Variants in PCDH7 observed in about 807,000 individuals in gnomAD.
The protein encoded by PCDH7 is protocadherin 7.
PCDH7 carries 17 observed loss-of-function variants against 58.9 expected under a neutral mutation model. The observed-to-expected ratio is 0.29, with a 90% CI of 0.20 to 0.43. The LOEUF is 0.43. Ranked by LOEUF, PCDH7 falls within the 20% of genes least tolerant of loss-of-function variation. The probability of loss-of-function intolerance (pLI) is 1.00; values close to 1 mark genes in which losing one functional copy is unlikely to be tolerated. For synonymous variants in PCDH7, 664 were observed against 616.4 expected, an observed-to-expected ratio of 1.08 and a Z score of -1.14; for missense variants, 1,274 against 1,441.0, an observed-to-expected ratio of 0.88 and a Z score of 1.88.
chr4:30,810,214 C>T (rs1442981809), intron 1 of PCDH7, among the ~76,000 whole-genome samples: 6 of 152,124 alleles, frequency 3.9e-5, no homozygotes, highest in African/African-American at 1.4e-4. Context: ...ATATAATAGA[C>T]TATCTGTCTC....
In PCDH7 at chr4:31,038,280, T is replaced by C. The variant is rs79449572; in HGVS notation, c.*7+88065T>C. ...TTGCACATGCTTTGTTTTTCTTAAATATTGTTCTGTATGTTTAGTTCCTGA... is the reference window on the plus strand; with the variant it reads ...TTGCACATGCTTTGTTTTTCTTAAACATTGTTCTGTATGTTTAGTTCCTGA... On this transcript the variant is annotated intron_variant, in intron 3 of 3. Coordinates refer to the PCDH7 transcript ENST00000509759. Among the ~76,000 whole-genome samples, 887 of 152,352 alleles carry C rather than the reference T, an allele frequency of 5.8e-3. 17 individuals are homozygous for C. The highest frequency in any genetic ancestry group is 0.021 in the African/African-American group (861 of 41,594).
chr4:30,884,516 G>A (rs1737432235), intron 1 of PCDH7: 1 of 152,134 alleles, frequency 6.6e-6, no homozygotes, highest in Non-Finnish European at 1.5e-5. Flanking sequence ...CATAATGGAT[G>A]CTGTCTGTCC....
chr4:30,972,372 C>A (rs4505781), intron 3 of PCDH7, among the ~76,000 whole-genome samples: 5 of 151,832 alleles, frequency 3.3e-5, no homozygotes, highest in African/African-American at 1.2e-4. Context: ...TTTATTTCTT[C>A]TAAAGGATTT....
intron 3 of PCDH7, among the ~76,000 whole-genome samples, chr4:31,133,511 C>G (rs1194132877): frequency 6.6e-6 from 1 of 152,142 alleles, no homozygotes; most frequent in African/African-American, 2.4e-5. Context: ...ATGCCCCTGT[C>G]TGTTCCTGGG....
chr4:30,799,075 A>G (rs190107936), intron 1 of PCDH7, among the ~76,000 whole-genome samples: 427 of 152,322 alleles, frequency 2.8e-3, no homozygotes, highest in Non-Finnish European at 4.5e-3. Context: ...TTTAAGGATC[A>G]TCAATATCGG....
rs540310291 is a variant in PCDH7, at chr4:30,899,173, G to GT, written c.71-20973dup. On this transcript the variant is annotated intron_variant, in intron 1 of 3. Transcript: ENST00000509759. ...AAAAATTGAAAGTCACTGCCCCAGGGTTTTTTTACGCTACAGATTTTGAGA... is the reference window on the plus strand; with the variant it reads ...AAAAATTGAAAGTCACTGCCCCAGGGTTTTTTTTACGCTACAGATTTTGAGA... Among the ~76,000 whole-genome samples the GT allele has an allele frequency of 4.4e-4, 67 of 152,124 alleles. No homozygotes were observed. In the South Asian group the frequency reaches 8.7e-3, roughly 20 times the overall value.
intron 3 of PCDH7, among the ~76,000 whole-genome samples, chr4:31,079,309 GATATATATATATATATATATATATAT>G (rs149501069): frequency 0.11 from 7,307 of 67,532 alleles, 521 homozygotes; most frequent in Middle Eastern, 0.22. Flanking sequence ...AATACTGGAA[GATATATATATATATATATATATATAT>G]ATATATATAT....
At chr4:31,056,979 G>T (rs939944830) in intron 3 of PCDH7, among the ~76,000 whole-genome samples, 1 of 152,076 alleles carries the variant, frequency 6.6e-6, no homozygotes, top group East Asian at 1.9e-4. Context: ...TTTGTGTTAC[G>T]TATTAAGGAT....
intron 3 of PCDH7, among the ~76,000 whole-genome samples, chr4:31,128,114 T>TAC (rs1222292557): frequency 6.6e-6 from 1 of 151,306 alleles, no homozygotes; most frequent in Non-Finnish European, 1.5e-5. Flanking sequence ...TGTATATATA[T>TAC]ACACATATAT....
chr4:31,113,008 T>A (rs1414840401), intron 3 of PCDH7, among the ~76,000 whole-genome samples: 2 of 152,162 alleles, frequency 1.3e-5, no homozygotes, highest in African/African-American at 4.8e-5. Flanking sequence ...TTTTTTCAGG[T>A]CTTCTTTGTG....
chr4:31,141,824 G>T lies in PCDH7; in HGVS notation c.*8-649G>T, dbSNP rs531881830. On this transcript the variant is annotated intron_variant, in intron 3 of 3. Coordinates refer to the PCDH7 transcript ENST00000509759. ...AGGTCATTTGGCATGGTAGGAGGGG[G>T]GTGAGGGGATGTGGGCTAGGGTGGG... Among the ~76,000 whole-genome samples the T allele has an allele frequency of 5.3e-5, 8 of 152,204 alleles. No homozygotes were observed. The East Asian group carries it at 1.5e-3, about 29-fold the overall frequency.
chr4:30,857,782 A>G (rs185254712), intron 1 of PCDH7, among the ~76,000 whole-genome samples: 12 of 152,224 alleles, frequency 7.9e-5, no homozygotes, highest in African/African-American at 2.9e-4. Flanking sequence ...CAGGTAATTT[A>G]TATTAGCCTT....
intron 3 of PCDH7, among the ~76,000 whole-genome samples, chr4:31,095,817 T>C (rs1713898957): frequency 6.6e-6 from 1 of 152,186 alleles, no homozygotes; most frequent in Non-Finnish European, 1.5e-5. Context: ...CTCTATAGTG[T>C]TTCTTCTCAT....
intron 3 of PCDH7, among the ~76,000 whole-genome samples, chr4:31,073,957 G>A (rs975465387): frequency 8.2e-4 from 124 of 151,566 alleles, no homozygotes; most frequent in Non-Finnish European, 1.8e-4. Context: ...TGTATATTCC[G>A]GCCAAACTGC....
chr4:30,880,043 G>T (rs1382214725), intron 1 of PCDH7, among the ~76,000 whole-genome samples: 1 of 152,014 alleles, frequency 6.6e-6, no homozygotes, highest in Admixed American at 6.6e-5. Context: ...CCCACTCTTA[G>T]TCAGTATACC....
rs553828059 is a variant in PCDH7 at position 30,995,007 on chromosome 4, T to C, written c.*7+44792T>C. Among the ~76,000 whole-genome samples the C allele has an allele frequency of 3.4e-4, 52 of 152,322 alleles. No homozygotes were observed. The East Asian group carries it at 9.8e-3, about 29-fold the overall frequency. ...TAAAAGGAATATTAAATATCTCATGTATAATTTTTTATTGATTACATATTG... is the reference window on the plus strand; with the variant it reads ...TAAAAGGAATATTAAATATCTCATGCATAATTTTTTATTGATTACATATTG... On this transcript the variant is annotated intron_variant, in intron 3 of 3. Coordinates refer to the PCDH7 transcript ENST00000509759.
chr4:30,787,420 C>A (rs1026542040), intron 1 of PCDH7, among the ~76,000 whole-genome samples: 2 of 151,836 alleles, frequency 1.3e-5, no homozygotes, highest in Non-Finnish European at 2.9e-5. Flanking sequence ...ATCTAGTGAA[C>A]GTGAGAGGAA....
At chr4:30,792,136 A>G (rs979645005) in intron 1 of PCDH7, among the ~76,000 whole-genome samples, 1 of 152,262 alleles carries the variant, frequency 6.6e-6, no homozygotes, top group Non-Finnish European at 1.5e-5. Flanking sequence ...AACATTTAAT[A>G]TCTGAAAAGT....
At chr4:30,844,892 G>A (rs1262247537) in intron 1 of PCDH7, among the ~76,000 whole-genome samples, 1 of 152,128 alleles carries the variant, frequency 6.6e-6, no homozygotes, top group Non-Finnish European at 1.5e-5. Context: ...GGGGACGGAG[G>A]TGAGCAATAC....
Sources: gnomAD v4.1 joint callset for allele counts (sites outside exome capture counted in the v4.1 genomes callset) on GRCh38, gnomAD v4.1.1 for gene constraint, MANE v1.5 for transcripts, NCBI Gene and HGNC (gene_info 2026-07-23, HGNC 2026-07-21) for gene names.